Variants in LRP1B observed in about 807,000 individuals in gnomAD.
The protein encoded by LRP1B is low-density lipoprotein receptor-related protein 1B.
In LRP1B, 217 loss-of-function variants were observed where a neutral mutation model predicts 556.6. That is an observed-to-expected ratio of 0.39 (90% confidence interval 0.35 to 0.44). The LOEUF is 0.44. Among genes scored for constraint, LRP1B ranks in the 20% least tolerant of loss-of-function variants. LRP1B has a pLI of 1.00. For synonymous variants in LRP1B, 2,047 were observed against 1,865.8 expected, an observed-to-expected ratio of 1.10 and a Z score of -2.50; for missense variants, 5,053 against 5,620.8, an observed-to-expected ratio of 0.90 and a Z score of 3.23.
At chr2:141,874,697 T>C (rs186976928) in intron 1 of LRP1B, among the ~76,000 whole-genome samples, 54 of 152,026 alleles carry the variant, frequency 3.6e-4, no homozygotes, top group Non-Finnish European at 6.6e-4. Flanking sequence ...GAAAATACAA[T>C]TCATATTTCT....
At chr2:141,474,647 C>A (rs1341394036) in intron 3 of LRP1B, among the ~76,000 whole-genome samples, 1 of 152,036 alleles carries the variant, frequency 6.6e-6, no homozygotes, top group Non-Finnish European at 1.5e-5. Flanking sequence ...TCTGAATATG[C>A]ATTATTTTAA....
intron 7 of LRP1B, among the ~76,000 whole-genome samples, chr2:141,121,245 G>A (rs187108763): frequency 9.2e-5 from 14 of 152,144 alleles, no homozygotes; most frequent in East Asian, 1.9e-4. Flanking sequence ...GTTTAGAAGC[G>A]TCTATAAATC....
Position 141,055,398 on chromosome 2 carries a change from T to C in LRP1B, c.1409-139A>G. Reference sequence around the variant, plus strand: ...TTGTATACTCAACTATTTAGCACCATAATCGAATGCAAAAGAGTGTAAACC... The same window carrying C: ...TTGTATACTCAACTATTTAGCACCACAATCGAATGCAAAAGAGTGTAAACC... On this transcript the variant is annotated intron_variant, in intron 9 of 90. Transcript: ENST00000389484. 3 of 728,802 alleles carry C rather than the reference T, an allele frequency of 4.1e-6. No homozygotes were observed. The South Asian group carries it at 6.6e-5, about 16-fold the overall frequency. 45.1% of individuals were successfully genotyped at this position (728,802 alleles called of 1,614,324 possible).
chr2:141,489,665 C>A (rs768093341), intron 2 of LRP1B, among the ~76,000 whole-genome samples: 16 of 151,956 alleles, frequency 1.1e-4, no homozygotes, highest in Non-Finnish European at 1.8e-4. Context: ...AGATCTTGTT[C>A]TTATTTTCAA....
At chr2:141,721,458 A>G (rs746913133) in intron 2 of LRP1B, among the ~76,000 whole-genome samples, 3 of 152,094 alleles carry the variant, frequency 2.0e-5, no homozygotes, top group Non-Finnish European at 4.4e-5. Context: ...GGTTGTCAAG[A>G]TATTAGGTTT....
Position 142,032,922 on chromosome 2 carries a change from G to A in LRP1B, c.82+97726C>T, listed in dbSNP as rs192741097. Among the ~76,000 whole-genome samples the A allele has an allele frequency of 1.1e-4, 16 of 151,946 alleles. No homozygotes were observed. In the East Asian group the frequency reaches 3.1e-3, roughly 30 times the overall value. On this transcript the variant is annotated intron_variant, in intron 1 of 90. Coordinates refer to ENST00000389484, the MANE Select transcript of LRP1B (RefSeq NM_018557.3). ...TTACATTTTAACACTATCAGCATGT[G>A]AATCTATCATTCTCCTTCCTTGAGG...
chr2:140,485,561 T>A (rs1395478795), intron 58 of LRP1B, 37 bp from the exon 59 acceptor site: 2 of 1,507,366 alleles, frequency 1.3e-6, no homozygotes, highest in East Asian at 2.3e-5. Context: ...ACAGCGTAAA[T>A]CCCTAAAATA....
At chr2:141,251,687 CT>C (rs1269380104) in intron 4 of LRP1B, among the ~76,000 whole-genome samples, 1 of 151,950 alleles carries the variant, frequency 6.6e-6, no homozygotes, top group African/African-American at 2.4e-5. Context: ...AAGTAAAGTT[CT>C]TCTGAAATGA....
At chr2:142,041,543 CA>C (rs1414187631) in intron 1 of LRP1B, among the ~76,000 whole-genome samples, 1 of 151,322 alleles carries the variant, frequency 6.6e-6, no homozygotes, top group Non-Finnish European at 1.5e-5. Context: ...AAAACAACAA[CA>C]AAAAAGCCTT....
intron 1 of LRP1B, among the ~76,000 whole-genome samples, chr2:142,101,626 CTAT>C (rs1238297462): frequency 6.6e-6 from 1 of 151,902 alleles, no homozygotes; most frequent in Non-Finnish European, 1.5e-5. Context: ...ATTAAGAAAA[CTAT>C]TTTTAACTGT....
intron 3 of LRP1B, among the ~76,000 whole-genome samples, chr2:141,257,657 G>A (rs1285286269): frequency 1.3e-5 from 2 of 152,154 alleles, no homozygotes; most frequent in Admixed American, 1.3e-4. Context: ...TTAGCTTTTA[G>A]TTTATTAGAC....
chr2:140,999,514 A>T (rs1043512975), intron 15 of LRP1B, among the ~76,000 whole-genome samples: 23 of 152,132 alleles, frequency 1.5e-4, no homozygotes, highest in Non-Finnish European at 2.6e-4. Flanking sequence ...TTGGTAAACA[A>T]CATTGTATAT....
intron 2 of LRP1B, among the ~76,000 whole-genome samples, chr2:141,505,204 T>C (rs1007996386): frequency 6.7e-6 from 1 of 149,968 alleles, no homozygotes; most frequent in Admixed American, 6.7e-5. Flanking sequence ...TCAGAGTCTA[T>C]AAAAGCTCCA....
At chr2:140,278,974 G>A (rs1170583519) in intron 84 of LRP1B, among the ~76,000 whole-genome samples, 3 of 151,948 alleles carry the variant, frequency 2.0e-5, no homozygotes, top group Non-Finnish European at 4.4e-5. Flanking sequence ...TGTGGAAGCT[G>A]CTGAGTTAGA....
At chr2:140,994,631 A>T (rs942164458) in intron 15 of LRP1B, among the ~76,000 whole-genome samples, 2 of 151,704 alleles carry the variant, frequency 1.3e-5, no homozygotes, top group African/African-American at 4.8e-5. Flanking sequence ...TACCACATAC[A>T]CTAAAGAGTG....
At chr2:141,367,900 A>G (rs535193351) in intron 3 of LRP1B, among the ~76,000 whole-genome samples, 1 of 152,258 alleles carries the variant, frequency 6.6e-6, no homozygotes, top group Admixed American at 6.5e-5. Context: ...TCTTGTCAAA[A>G]TAGATCATCA....
At chr2:141,983,785 G>A (rs1702108437) in intron 1 of LRP1B, among the ~76,000 whole-genome samples, 1 of 152,192 alleles carries the variant, frequency 6.6e-6, no homozygotes, top group Admixed American at 6.5e-5. Flanking sequence ...TTTAGGCTGG[G>A]CGTGGTGGCT....
chr2:141,106,481 T>C (rs1456019706), intron 7 of LRP1B, among the ~76,000 whole-genome samples: 1 of 152,040 alleles, frequency 6.6e-6, no homozygotes, highest in Non-Finnish European at 1.5e-5. Context: ...GATCACCTGG[T>C]GACCATCAAG....
At chr2:141,504,057 A>T (rs142858346) in intron 2 of LRP1B, among the ~76,000 whole-genome samples, 1 of 152,158 alleles carries the variant, frequency 6.6e-6, no homozygotes, top group African/African-American at 2.4e-5. Context: ...TATCTAATAC[A>T]TTAATAATGG....
Sources: gnomAD v4.1 joint callset for allele counts (sites outside exome capture counted in the v4.1 genomes callset) on GRCh38, gnomAD v4.1.1 for gene constraint, MANE v1.5 for transcripts, NCBI Gene and HGNC (gene_info 2026-07-23, HGNC 2026-07-21) for gene names.